CREM: variants seen among roughly 807,000 people sequenced by gnomAD.
CREM encodes cAMP-responsive element modulator.
Under a neutral mutation model 37.3 loss-of-function variants are expected in CREM, and 13 were observed. That is an observed-to-expected ratio of 0.35 (90% CI 0.23 to 0.55). CREM has a LOEUF of 0.55. Ranked by LOEUF, CREM falls within the 20% of genes least tolerant of loss-of-function variation. CREM has a pLI of 0.88. For missense variants in CREM, 296 were observed against 362.3 expected, an observed-to-expected ratio of 0.82 and a Z score of 1.49; for synonymous variants, 124 against 120.2, an observed-to-expected ratio of 1.03 and a Z score of -0.21.
At chr10:35,130,986 A>G (rs2089264130) in intron 1 of CREM, among the ~76,000 whole-genome samples, 1 of 152,216 alleles carries the variant, frequency 6.6e-6, no homozygotes. Flanking sequence ...GTGTGTGTGA[A>G]GTAGTTTTTA....
At chr10:35,187,003 TATAATATA>T (rs1564919775) in intron 5 of CREM, among the ~76,000 whole-genome samples, 1 of 87,892 alleles carries the variant, frequency 1.1e-5, no homozygotes, top group African/African-American at 5.0e-5. Context: ...ATATATTATA[TATAATATA>T]ATATATAATA....
chr10:35,152,988 C>T (rs1352686946), intron 3 of CREM, among the ~76,000 whole-genome samples: 2 of 152,060 alleles, frequency 1.3e-5, no homozygotes, highest in Non-Finnish European at 2.9e-5. Context: ...GCCTATAATC[C>T]CAGCACTTTG....
intron 3 of CREM, among the ~76,000 whole-genome samples, chr10:35,175,139 T>C (rs1157264761): frequency 6.6e-6 from 1 of 152,196 alleles, no homozygotes; most frequent in African/African-American, 2.4e-5. Flanking sequence ...ATATCATATG[T>C]CACACATTTA....
chr10:35,167,860 G>A, intron 3 of CREM: 2 of 1,448,492 alleles, frequency 1.4e-6, no homozygotes, highest in Non-Finnish European at 1.9e-6. Context: ...GAAAAGAGGG[G>A]TAAAAATTGT....
At chr10:35,179,333 T>C (rs757679593) in intron 5 of CREM, 57 bp downstream of exon 5, 13 of 1,571,674 alleles carry the variant, frequency 8.3e-6, no homozygotes, top group Admixed American at 1.8e-5. Context: ...TCTCTAGTTA[T>C]ATTGAAGCAA....
intron 3 of CREM, among the ~76,000 whole-genome samples, chr10:35,160,363 G>C (rs1315622502): frequency 6.6e-6 from 1 of 152,110 alleles, no homozygotes; most frequent in Non-Finnish European, 1.5e-5. Flanking sequence ...TGGGCAGTGA[G>C]GGAATGTGAA....
At chr10:35,155,594 A>T (rs2092844457) in intron 3 of CREM, among the ~76,000 whole-genome samples, 1 of 150,778 alleles carries the variant, frequency 6.6e-6, no homozygotes, top group African/African-American at 2.4e-5. Context: ...TTCTTTTTTG[A>T]GTAAGACTTA....
intron 3 of CREM, among the ~76,000 whole-genome samples, chr10:35,172,513 A>C (rs1041761828): frequency 1.8e-4 from 27 of 151,632 alleles, no homozygotes; most frequent in African/African-American, 6.5e-4. Flanking sequence ...GCCTTAACTC[A>C]AGTCAGTGAC....
intron 1 of CREM, among the ~76,000 whole-genome samples, chr10:35,129,180 T>C (rs1281226976): frequency 6.6e-6 from 1 of 152,362 alleles, no homozygotes; most frequent in East Asian, 1.9e-4. Flanking sequence ...GAAGTTGTAA[T>C]TACGGTGATG....
intron 3 of CREM, among the ~76,000 whole-genome samples, chr10:35,154,887 TCAA>T (rs1435230063): frequency 2.0e-5 from 3 of 152,206 alleles, no homozygotes; most frequent in Admixed American, 2.0e-4. Flanking sequence ...TTTTTCAACT[TCAA>T]CAAGAATTTG....
intron 7 of CREM, among the ~76,000 whole-genome samples, chr10:35,207,767 G>A (rs1214468838): frequency 6.8e-6 from 1 of 147,900 alleles, no homozygotes; most frequent in African/African-American, 2.4e-5. Context: ...GTGAGACTCC[G>A]TCTTAAAAAA....
intron 5 of CREM, among the ~76,000 whole-genome samples, chr10:35,181,160 G>A (rs1239025440): frequency 6.6e-6 from 1 of 152,162 alleles, no homozygotes; most frequent in East Asian, 1.9e-4. Flanking sequence ...AAAATGTATG[G>A]GGTTGAAGCT....
At chr10:35,150,950 G>A (rs1182072451) in intron 3 of CREM, among the ~76,000 whole-genome samples, 1 of 151,788 alleles carries the variant, frequency 6.6e-6, no homozygotes, top group Non-Finnish European at 1.5e-5. Flanking sequence ...TTAGGTTTCT[G>A]AGGGCTTGGA....
At chr10:35,165,449 G>A (rs184619977) in intron 3 of CREM, among the ~76,000 whole-genome samples, 67 of 152,136 alleles carry the variant, frequency 4.4e-4, no homozygotes, top group African/African-American at 1.6e-3. Context: ...ACTGTATCAC[G>A]TTTTGTCAAA....
intron 1 of CREM, among the ~76,000 whole-genome samples, chr10:35,133,308 A>ATTT (rs34244298): frequency 7.0e-6 from 1 of 143,280 alleles, no homozygotes; most frequent in Non-Finnish European, 1.5e-5. Context: ...CCAAAAGCAG[A>ATTT]TTTTTTTTTT....
intron 3 of CREM, among the ~76,000 whole-genome samples, chr10:35,150,258 T>A (rs999954271): frequency 6.6e-6 from 1 of 152,054 alleles, no homozygotes; most frequent in African/African-American, 2.4e-5. Flanking sequence ...CAAACTCCTG[T>A]GCTGAAGCAG....
At chr10:35,167,304 A>T (rs1287967404) in intron 3 of CREM, among the ~76,000 whole-genome samples, 2 of 152,320 alleles carry the variant, frequency 1.3e-5, no homozygotes, top group African/African-American at 4.8e-5. Flanking sequence ...CTGTCTTAAT[A>T]CATAAATATC....
chr10:35,144,877 C>A (rs1437504128), intron 2 of CREM, among the ~76,000 whole-genome samples: 2 of 151,680 alleles, frequency 1.3e-5, no homozygotes, highest in Non-Finnish European at 2.9e-5. Context: ...TTGTAACTTC[C>A]AGGCTGGGCA....
At chr10:35,199,022 G>C (rs1266074950) in intron 6 of CREM, among the ~76,000 whole-genome samples, 3 of 152,234 alleles carry the variant, frequency 2.0e-5, no homozygotes, top group Non-Finnish European at 4.4e-5. Context: ...GGTGGCATAT[G>C]CCTGTAATCC....
Sources: allele counts gnomAD v4.1 joint callset (sites outside exome capture counted in the v4.1 genomes callset), GRCh38; gene constraint gnomAD v4.1.1; transcripts MANE v1.5; gene names NCBI Gene and HGNC (gene_info 2026-07-23, HGNC 2026-07-21).